Variants in CNTROB observed in about 807,000 individuals in gnomAD.
CNTROB encodes centrobin.
In CNTROB, 82 loss-of-function variants were observed where a neutral mutation model predicts 115.7. The ratio of observed to expected loss-of-function variants is 0.71; its 90% confidence interval spans 0.59 to 0.85. The LOEUF is 0.85. Among genes scored for constraint, CNTROB ranks in the 40% least tolerant of loss-of-function variants. The pLI is 0.00. For missense variants in CNTROB, 1,014 were observed against 1,144.4 expected (o/e 0.89, Z 1.64); for synonymous variants, 439 against 456.4 (o/e 0.96, Z 0.49).
In CNTROB at chr17:7,947,674, A is replaced by C; in HGVS notation, c.2097A>C (p.Gln699His). The change falls in exon 14 of 19, where the codon CAA becomes CAC. Residue 699 changes from glutamine (Q) to histidine (H), a missense_variant. Gln to His is a conservative substitution (Grantham distance 24). Transcript: ENST00000563694. ...CTGACGGGGAGGGCCTCCTAAAGCA[A>C]GGGCTGCCGCCTGCTCAGCTGGAGG... ...PGPDGEGLLK[Q>H]GLPPAQLEGL... The C allele has an allele frequency of 6.2e-7, 1 of 1,613,846 alleles. No individual in the cohort carries two copies. The highest frequency in any genetic ancestry group is 8.5e-7 in the Non-Finnish European group (1 of 1,179,766).
chr17:7,943,712 G>A lies in CNTROB; in HGVS notation c.1445+188G>A. On this transcript the variant is annotated intron_variant, in intron 10 of 18. Transcript: ENST00000563694. This position sits in a 1 kb window ranked among gnomAD's most constrained non-coding sequence, Gnocchi z 4.7. ...TTCACGCGTTCATGGAGAGCCAGAA[G>A]TGCCTGGGAATTTTCATCCCATAGG... 1 of 613,236 alleles carries A rather than the reference G, an allele frequency of 1.6e-6. No individual in the cohort carries two copies. The highest frequency in any genetic ancestry group is 2.9e-5 in the East Asian group (1 of 35,026). 38.0% of individuals were successfully genotyped at this position (613,236 alleles called of 1,614,324 possible). A position where few individuals can be genotyped will look rare whatever the true frequency, so the allele number is the denominator to read the frequency against.
At chr17:7,933,902 C>T (rs1410507382) in intron 1 of CNTROB, among the ~76,000 whole-genome samples, 1 of 152,204 alleles carries the variant, frequency 6.6e-6, no homozygotes, top group Non-Finnish European at 1.5e-5. Flanking sequence ...TACATTTGTT[C>T]TTGAATCGGC....
At position 7,949,763 on chromosome 17, in the gene CNTROB, A is replaced by G. The variant is rs1598124215; in HGVS notation, c.*253A>G. 8.1e-6 allele frequency: 3 copies of G among 371,796 alleles called. No individual in the cohort carries two copies. Among genetic ancestry groups the G allele is most frequent in the African/African-American group, 2.1e-5 (1 of 47,872 alleles). 23.0% of individuals were successfully genotyped at this position (371,796 alleles called of 1,614,324 possible). A position where few individuals can be genotyped will look rare whatever the true frequency, so the allele number is the denominator to read the frequency against. On this transcript the variant is annotated 3_prime_UTR_variant, in exon 19 of 19. Coordinates refer to ENST00000563694, the MANE Select transcript of CNTROB (RefSeq NM_053051.5). The stretch of plus-strand genomic sequence containing the variant: ...CAAGATTTGGAAAGTTGGGGCGGCT[A>G]AGATTCAGTGGACAAAGCTAAAACC...
chr17:7,948,493 A>G lies in CNTROB; in HGVS notation c.2387A>G (p.Asp796Gly), dbSNP rs1056145557. The G allele has an allele frequency of 5.6e-6, 9 of 1,613,784 alleles. No individual in the cohort carries two copies. The highest frequency in any genetic ancestry group is 1.7e-4 in the Middle Eastern group (1 of 6,058). ...PSSGSPERGG[D>G]GLTFPRQLME... ...TTATTGCGATGTCTGTCAGGTGGAG[A>G]TGGGCTTACATTCCCAAGGCAGCTG... The change falls in exon 17 of 19, where the codon GAT (aspartate) becomes GGT (glycine). Residue 796 changes from aspartate to glycine, a missense_variant. Asp to Gly is a moderately conservative substitution (Grantham distance 94, BLOSUM62 -1). Transcript: ENST00000563694. This position sits in a 1 kb window ranked among gnomAD's most constrained non-coding sequence, Gnocchi z 4.4.
rs200961846 is a variant in CNTROB, at chr17:7,947,665, C to T, written c.2088C>T (p.Leu696=). The part of the protein sequence containing the change: ...EEDPGPDGEG[L]LKQGLPPAQL... Reference sequence around the variant, plus strand: ...ATCCTGGACCTGACGGGGAGGGCCTCCTAAAGCAAGGGCTGCCGCCTGCTC... The same window carrying T: ...ATCCTGGACCTGACGGGGAGGGCCTTCTAAAGCAAGGGCTGCCGCCTGCTC... Residue 696 remains leucine (L), a synonymous_variant, in exon 14 of 19, where the codon CTC becomes CTT. Transcript: ENST00000563694. 14 of 1,613,836 alleles carry T rather than the reference C, an allele frequency of 8.7e-6. No individual in the cohort carries two copies. The East Asian group carries it at 8.9e-5, about 10-fold the overall frequency.
rs1598103211 is a variant in CNTROB, at chr17:7,944,734, C to T, written c.1734+96C>T. 1.4e-6 allele frequency: 2 copies of T among 1,434,202 alleles called. No individual in the cohort carries two copies. The highest frequency in any genetic ancestry group is 2.3e-5 in the East Asian group (1 of 43,330). 88.8% of individuals were successfully genotyped at this position (1,434,202 alleles called of 1,614,324 possible). A position where few individuals can be genotyped will look rare whatever the true frequency, so the allele number is the denominator to read the frequency against. The stretch of plus-strand genomic sequence containing the variant: ...TCACTCTTGCCCAGGCTGGAGTGTA[C>T]TGGTGAGATCATAGCTCATTGCAGC... On this transcript the variant is annotated intron_variant, in intron 12 of 18. Coordinates refer to ENST00000563694, the MANE Select transcript of CNTROB (RefSeq NM_053051.5). This position sits in a 1 kb window ranked among gnomAD's most constrained non-coding sequence, Gnocchi z 4.0.
rs1268582503 is a variant in CNTROB at position 7,944,693 on chromosome 17, T to G, written c.1734+55T>G. 2 of 1,546,862 alleles carry G rather than the reference T, an allele frequency of 1.3e-6. No homozygotes were observed. Among genetic ancestry groups the G allele is most frequent in the South Asian group, 2.4e-5 (2 of 82,670 alleles). ...CCGTTATGTTCTATTTTTATTTTTA[T>G]TTTTGAGACAGGGTCTCACTCTTGC... On this transcript the variant is annotated intron_variant, in intron 12 of 18. Coordinates refer to ENST00000563694, the MANE Select transcript of CNTROB (RefSeq NM_053051.5). The surrounding 1 kb of genome is among the most constrained non-coding windows in gnomAD (Gnocchi z 4.0).
rs1392456769 is a variant in CNTROB, at chr17:7,948,465, T to G, written c.2381-22T>G. On this transcript the variant is annotated intron_variant, in intron 16 of 18. Coordinates refer to ENST00000563694, the MANE Select transcript of CNTROB (RefSeq NM_053051.5). This position sits in a 1 kb window ranked among gnomAD's most constrained non-coding sequence, Gnocchi z 4.4. Reference sequence around the variant, plus strand: ...GAGACAGGCCCTAGGATGACGCCTGTGATTATTGCGATGTCTGTCAGGTGG... The same window carrying G: ...GAGACAGGCCCTAGGATGACGCCTGGGATTATTGCGATGTCTGTCAGGTGG... 1 of 1,613,950 alleles carries G rather than the reference T, an allele frequency of 6.2e-7. No homozygotes were observed. Among genetic ancestry groups the G allele is most frequent in the East Asian group, 2.2e-5 (1 of 44,874 alleles).
At chr17:7,937,769 C>T (rs1973356809) in intron 7 of CNTROB, among the ~76,000 whole-genome samples, 1 of 151,938 alleles carries the variant, frequency 6.6e-6, no homozygotes, top group Non-Finnish European at 1.5e-5. Context: ...AGCCACTGCA[C>T]TCCAGCCTGG....
intron 13 of CNTROB, among the ~76,000 whole-genome samples, chr17:7,947,306 G>C (rs981223411): frequency 6.6e-6 from 1 of 152,100 alleles, no homozygotes; most frequent in Non-Finnish European, 1.5e-5. Context: ...AGTTTGTGAG[G>C]GTATTTATTT....
At chr17:7,936,147 G>A (rs1973138738) in intron 4 of CNTROB, 2 of 515,262 alleles carry the variant, frequency 3.9e-6, no homozygotes, top group East Asian at 6.4e-5. Context: ...TGGAATCTAA[G>A]CACTTATCTC....
In CNTROB at chr17:7,938,001, G is replaced by GTTTTTTT. The variant is rs368082295; in HGVS notation, c.927+752_927+758dup. On this transcript the variant is annotated intron_variant, in intron 7 of 18. Coordinates refer to ENST00000563694, the MANE Select transcript of CNTROB (RefSeq NM_053051.5). ...TTGACTAACTCAAGTTTCTTTTCGT[G>GTTTTTTT]TTTTTTTTTTTTTTTTTTTGAGACA... 5.3e-4 allele frequency among the ~76,000 whole-genome samples: 55 copies of GTTTTTTT among 104,314 alleles called. 5 individuals are homozygous for GTTTTTTT. The highest frequency in any genetic ancestry group is 1.7e-3 in the African/African-American group (44 of 25,588). 68.4% of individuals were successfully genotyped at this position (104,314 alleles called of 152,430 possible). A position where few individuals can be genotyped will look rare whatever the true frequency, so the allele number is the denominator to read the frequency against.
At position 7,933,001 on chromosome 17, in the gene CNTROB, G is replaced by A; in HGVS notation, c.-79G>A. On this transcript the variant is annotated 5_prime_UTR_variant, in exon 1 of 19. The change creates a new upstream start codon in the 5' untranslated region. Transcript: ENST00000563694. ...CCTCCCTTCTCCCAAGTCTTTCTCC[G>A]TGAACTTTTCCTCCTGGACTTTGCT... 6 of 1,468,882 alleles carry A rather than the reference G, an allele frequency of 4.1e-6. No homozygotes were observed. The highest frequency in any genetic ancestry group is 5.5e-6 in the Non-Finnish European group (6 of 1,084,942). 91.0% of individuals were successfully genotyped at this position (1,468,882 alleles called of 1,614,324 possible). A position where few individuals can be genotyped will look rare whatever the true frequency, so the allele number is the denominator to read the frequency against.
chr17:7,939,581 A>G lies in CNTROB; in HGVS notation c.996A>G (p.Glu332=), dbSNP rs1346711241. 3.1e-6 allele frequency: 5 copies of G among 1,614,184 alleles called. No individual in the cohort carries two copies. The highest frequency in any genetic ancestry group is 4.2e-6 in the Non-Finnish European group (5 of 1,180,038). Residue 332 remains glutamate (E), a synonymous_variant, in exon 8 of 19, where the codon GAA becomes GAG. Coordinates refer to ENST00000563694, the MANE Select transcript of CNTROB (RefSeq NM_053051.5). The surrounding 1 kb of genome is among the most constrained non-coding windows in gnomAD (Gnocchi z 4.4). The part of the protein sequence containing the change: ...AEQQRCCVLQ[E]ERDAARAGQL... ...AGCAGCGGTGCTGTGTCCTGCAGGA[A>G]GAGCGGGATGCAGCTCGGGCTGGGC...
chr17:7,942,635 T>C (rs1974026074), intron 9 of CNTROB, among the ~76,000 whole-genome samples: 1 of 149,282 alleles, frequency 6.7e-6, no homozygotes, highest in Admixed American at 6.7e-5. Context: ...TTGAGTTCTT[T>C]ATAGTAAAAT....
At position 7,933,266 on chromosome 17, in the gene CNTROB, C is replaced by G; in HGVS notation, c.187C>G (p.Pro63Ala). 1.2e-6 allele frequency: 2 copies of G among 1,614,240 alleles called. No individual in the cohort carries two copies. Among genetic ancestry groups the G allele is most frequent in the Non-Finnish European group, 1.7e-6 (2 of 1,180,050 alleles). Reference sequence around the variant, plus strand: ...CCAGCTGTATTTACCCTCCACCTCCCCGCCTCATGAAGGGTTAGACGGCTT... The same window carrying G: ...CCAGCTGTATTTACCCTCCACCTCCGCGCCTCATGAAGGGTTAGACGGCTT... ...RAQLYLPSTSPPHEGLDGFAQ... is the reference protein window; with the variant it reads ...RAQLYLPSTSAPHEGLDGFAQ... The change falls in exon 1 of 19, where the codon CCG (proline) becomes GCG (alanine). Residue 63 changes from proline to alanine, a missense_variant. Coordinates refer to ENST00000563694, the MANE Select transcript of CNTROB (RefSeq NM_053051.5).
chr17:7,947,092 C>T (rs1286095524), intron 13 of CNTROB, among the ~76,000 whole-genome samples: 2 of 148,834 alleles, frequency 1.3e-5, no homozygotes, highest in Admixed American at 1.4e-4. Flanking sequence ...ACCCGGGAGG[C>T]GGAGCTTGCA....
chr17:7,948,808 C>T lies in CNTROB; in HGVS notation c.2513+189C>T. ...TTCTTTTATCTCCTCCTTTCTATTGCTTTTTTCTTCTAAACAAAAAAATCT... is the reference window on the plus strand; with the variant it reads ...TTCTTTTATCTCCTCCTTTCTATTGTTTTTTTCTTCTAAACAAAAAAATCT... On this transcript the variant is annotated intron_variant, in intron 17 of 18. Transcript: ENST00000563694. This position sits in a 1 kb window ranked among gnomAD's most constrained non-coding sequence, Gnocchi z 4.4. 6.8e-7 allele frequency: 1 copy of T among 1,477,056 alleles called. No homozygotes were observed. The highest frequency in any genetic ancestry group is 9.0e-7 in the Non-Finnish European group (1 of 1,113,736). 91.5% of individuals were successfully genotyped at this position (1,477,056 alleles called of 1,614,324 possible).
chr17:7,943,541 G>GGGTGTC lies in CNTROB; in HGVS notation c.1445+18_1445+23dup. On this transcript the variant is annotated intron_variant, in intron 10 of 18. Coordinates refer to ENST00000563694, the MANE Select transcript of CNTROB (RefSeq NM_053051.5). The surrounding 1 kb of genome is among the most constrained non-coding windows in gnomAD (Gnocchi z 4.7). ...ACATCACAGGTACGTGGGACTCACT[G>GGGTGTC]GGTGTCACTTCTCTCAGCCACAGCA... The GGGTGTC allele has an allele frequency of 6.2e-7, 1 of 1,603,286 alleles. No individual in the cohort carries two copies. Among genetic ancestry groups the GGGTGTC allele is most frequent in the Non-Finnish European group, 8.5e-7 (1 of 1,172,610 alleles).
Sources: gnomAD v4.1 joint callset for allele counts (sites outside exome capture counted in the v4.1 genomes callset) on GRCh38, gnomAD v4.1.1 for gene constraint, Gnocchi (gnomAD v3.1) non-coding constraint, MANE v1.5 for transcripts, NCBI Gene and HGNC (gene_info 2026-07-23, HGNC 2026-07-21) for gene names.